The following TNXB variants were observed in gnomAD, a reference collection of about 807,000 sequenced individuals.
TNXB encodes the protein tenascin XB, also known as tenascin-X.
TNXB carries 183 observed loss-of-function variants against 340.5 expected under a neutral mutation model. The observed-to-expected ratio is 0.54, with a 90% confidence interval of 0.48 to 0.61. The LOEUF (loss-of-function observed/expected upper bound fraction) is 0.61. Ranked by LOEUF, TNXB falls within the 20% of genes least tolerant of loss-of-function variation. The pLI is 0.00. For synonymous variants in TNXB, 2,121 were observed against 2,314.5 expected, an observed-to-expected ratio of 0.92 and a Z score of 2.40; for missense variants, 4,613 against 5,446.4, an observed-to-expected ratio of 0.85 and a Z score of 4.82.
intron 24 of TNXB, among the ~76,000 whole-genome samples, chr6:32,054,944 GA>G (rs1462565813): frequency 6.6e-6 from 1 of 152,174 alleles, no homozygotes; most frequent in Non-Finnish European, 1.5e-5. Flanking sequence ...ATCAAGACAA[GA>G]ACAAGGCCAG....
Position 32,048,554 on chromosome 6 carries a change from GCC to G in TNXB, c.9852_9853del (p.Ala3285ProfsTer5). On this transcript the variant is annotated frameshift_variant, in exon 29 of 44. Coordinates refer to ENST00000644971, the MANE Select transcript of TNXB (RefSeq NM_001365276.2). LOFTEE classifies it high-confidence loss of function. ...CAGGAAGGAGTCAAAGGGGCCCTGG[GCC>G]ACCGTCCATGAGAGGCCCACTGAGT... 4 of 1,587,638 alleles carry G rather than the reference GCC, an allele frequency of 2.5e-6. No homozygotes were observed. In the Admixed American group the frequency reaches 6.8e-5, roughly 27 times the overall value.
Position 32,047,911 on chromosome 6 carries a change from C to T in TNXB, c.10147G>A (p.Asp3383Asn), listed in dbSNP as rs754446472. The stretch of plus-strand genomic sequence containing the variant: ...TCCTTGTACTGGACCACGAAGGAGT[C>T]GAATTCGCCCTCAGGGACCGTCCAC... Reference protein sequence around the residue: ...LSWTVPEGEFDSFVVQYKDKD... With the variant: ...LSWTVPEGEFNSFVVQYKDKD... Residue 3383 changes from aspartate (D) to asparagine (N), a missense_variant, in exon 30 of 44, where the codon GAC becomes AAC. Around this residue, in one of 7 missense-constraint regions of TNXB, gnomAD observed 4,327 missense variants for 4,859.4 expected, o/e 0.89. Transcript: ENST00000644971. The surrounding 1 kb of genome is among the most constrained non-coding windows in gnomAD (Gnocchi z 6.2). 3.6e-5 allele frequency: 58 copies of T among 1,612,570 alleles called. No homozygotes were observed. The East Asian group carries it at 5.6e-4, about 15-fold the overall frequency.
In TNXB at chr6:32,058,029, C is replaced by G. The variant is rs1386354191; in HGVS notation, c.7825+29G>C. 1 of 1,575,036 alleles carries G rather than the reference C, an allele frequency of 6.3e-7. No homozygotes were observed. The highest frequency in any genetic ancestry group is 1.9e-5 in the Admixed American group (1 of 53,160). On this transcript the variant is annotated intron_variant, in intron 22 of 43. Transcript: ENST00000644971. This position sits in a 1 kb window ranked among gnomAD's most constrained non-coding sequence, Gnocchi z 5.1. ...AGGGCACATTTTCTAGGGCTGTCTTCCAACCCTGCCCCACCCACACTCACT... is the reference window on the plus strand; with the variant it reads ...AGGGCACATTTTCTAGGGCTGTCTTGCAACCCTGCCCCACCCACACTCACT...
rs749895566 is a variant in TNXB, at chr6:32,097,103, A to C, written c.750T>G (p.Pro250=). The C allele has an allele frequency of 4.3e-6, 7 of 1,612,534 alleles. No individual in the cohort carries two copies. The highest frequency in any genetic ancestry group is 5.9e-6 in the Non-Finnish European group (7 of 1,179,414). ...SGPDCSQRSC[P]RGCSQRGRCE... ...AGCGTCCCCTCTGGCTGCAACCTCG[A>C]GGGCAGGAGCGCTGGCTGCAGTCGG... is the stretch of plus-strand genomic sequence containing the variant. The change falls in exon 3 of 44, where the codon CCT becomes CCG. Residue 250 remains proline, a synonymous_variant. Coordinates refer to ENST00000644971, the MANE Select transcript of TNXB (RefSeq NM_001365276.2). The surrounding 1 kb of genome is among the most constrained non-coding windows in gnomAD (Gnocchi z 5.9).
At chr6:32,053,041 C>G (rs977015085) in intron 25 of TNXB, 48 bp from the exon 26 acceptor site, 2 of 1,575,010 alleles carry the variant, frequency 1.3e-6, no homozygotes, top group East Asian at 2.2e-5. Context: ...TGGGGGATGT[C>G]CTTGGGTCTT....
chr6:32,097,388 G>C lies in TNXB; in HGVS notation c.465C>G (p.Thr155=). ...CACCCCAGCCTGGCTCACAGGAACA[G>C]GTGCAGCGGCTCAGATCAAACACAC... is the stretch of plus-strand genomic sequence containing the variant. ...LHGVFDLSRC[T]CSCEPGWGGP... is the part of the protein sequence containing the mutation. Residue 155 remains threonine, a synonymous_variant, in exon 3 of 44, where the codon ACC becomes ACG. Transcript: ENST00000644971. This position sits in a 1 kb window ranked among gnomAD's most constrained non-coding sequence, Gnocchi z 5.9. 6.2e-7 allele frequency: 1 copy of C among 1,610,888 alleles called. No individual in the cohort carries two copies. The highest frequency in any genetic ancestry group is 8.5e-7 in the Non-Finnish European group (1 of 1,179,622).
At position 32,055,985 on chromosome 6, in the gene TNXB, T is replaced by A; in HGVS notation, c.8333A>T (p.Gln2778Leu). Residue 2778 changes from glutamine to leucine, a missense_variant, in exon 24 of 44, where the codon CAG becomes CTG. This residue lies in a region of TNXB where 4,327 missense variants were observed against 4,859.4 expected (regional missense o/e 0.89). Coordinates refer to ENST00000644971, the MANE Select transcript of TNXB (RefSeq NM_001365276.2). ...CTCCTCGCCCCTGACACGCATCACC[T>A]GGGGCCGCCCGTCCCTGTCCTTGTA... ...VQYKDRDGRP[Q>L]VMRVRGEESE... 6.2e-7 allele frequency: 1 copy of A among 1,613,352 alleles called. No individual in the cohort carries two copies. Among genetic ancestry groups the A allele is most frequent in the African/African-American group, 1.3e-5 (1 of 75,034 alleles).
At chr6:32,091,126 T>G (rs1054788792) in intron 4 of TNXB, among the ~76,000 whole-genome samples, 9 of 152,244 alleles carry the variant, frequency 5.9e-5, no homozygotes, top group Admixed American at 5.9e-4. Flanking sequence ...TTTTCTTTTT[T>G]TGAGAGGGAG....
Position 32,058,767 on chromosome 6 carries a change from A to G in TNXB, c.7493-377T>C, listed in dbSNP as rs1299471336. On this transcript the variant is annotated intron_variant, in intron 21 of 43. Coordinates refer to ENST00000644971, the MANE Select transcript of TNXB (RefSeq NM_001365276.2). This position sits in a 1 kb window ranked among gnomAD's most constrained non-coding sequence, Gnocchi z 5.1. The stretch of plus-strand genomic sequence containing the variant: ...TCACGATGGGGTTATTCATGACAGC[A>G]GATGTGTCAGGAACACAAATGACCC... Among the ~76,000 whole-genome samples the G allele has an allele frequency of 1.3e-5, 2 of 151,948 alleles. No homozygotes were observed. The highest frequency in any genetic ancestry group is 4.9e-5 in the African/African-American group (2 of 41,174).
At position 32,073,147 on chromosome 6, in the gene TNXB, G is replaced by A. The variant is rs1275245289; in HGVS notation, c.4681+500C>T. ...GGGCAGGAAGGAGCCCAGAGCAAGA[G>A]TGAGGCAGCCTCCTGGAGAGATGAA... On this transcript the variant is annotated intron_variant, in intron 12 of 43. Transcript: ENST00000644971. The surrounding 1 kb of genome is among the most constrained non-coding windows in gnomAD (Gnocchi z 4.6). 6.6e-6 allele frequency among the ~76,000 whole-genome samples: 1 copy of A among 152,194 alleles called. No homozygotes were observed. Among genetic ancestry groups the A allele is most frequent in the Non-Finnish European group, 1.5e-5 (1 of 68,036 alleles).
At chr6:32,102,803 C>T (rs1405514410) in intron 1 of TNXB, among the ~76,000 whole-genome samples, 1 of 152,008 alleles carries the variant, frequency 6.6e-6, no homozygotes, top group African/African-American at 2.4e-5. Flanking sequence ...ACCTGTAGTC[C>T]CAGCTACCTG....
chr6:32,053,283 T>G (rs1777407196), intron 25 of TNXB, 105 bp downstream of exon 25: 2 of 1,491,916 alleles, frequency 1.3e-6, no homozygotes, highest in Admixed American at 4.2e-5. Context: ...AAAAGTACCA[T>G]GGCTCAGCCA....
rs763322935 is a variant in TNXB, at chr6:32,058,366, G to A, written c.7517C>T (p.Thr2506Ile). Residue 2506 changes from threonine to isoleucine, a missense_variant, in exon 22 of 44, where the codon ACC (threonine) becomes ATC (isoleucine). Coordinates refer to ENST00000644971, the MANE Select transcript of TNXB (RefSeq NM_001365276.2). The surrounding 1 kb of genome is among the most constrained non-coding windows in gnomAD (Gnocchi z 5.1). ...TGTGCCTGGTTCTGTAGGGCTGGGGGTCTCGTCCACATCCTCTTGTGGGGC... is the reference window on the plus strand; with the variant it reads ...TGTGCCTGGTTCTGTAGGGCTGGGGATCTCGTCCACATCCTCTTGTGGGGC... ...VTAPQEDVDE[T>I]PSPTEPGTEA... 2 of 1,608,468 alleles carry A rather than the reference G, an allele frequency of 1.2e-6. No homozygotes were observed. The highest frequency in any genetic ancestry group is 1.7e-6 in the Non-Finnish European group (2 of 1,177,798).
rs1394345977 is a variant in TNXB at position 32,048,388 on chromosome 6, G to A, written c.10020C>T (p.Gly3340=). The A allele has an allele frequency of 1.3e-6, 2 of 1,524,096 alleles. No homozygotes were observed. The highest frequency in any genetic ancestry group is 2.6e-5 in the South Asian group (2 of 77,434). The allele number at this position is 1,524,096 out of a possible 1,614,324, so 94.4% of individuals were successfully genotyped here. A position where few individuals can be genotyped will look rare whatever the true frequency, so the allele number is the denominator to read the frequency against. Residue 3340 remains glycine, a synonymous_variant, in exon 29 of 44, where the codon GGC becomes GGT. Coordinates refer to ENST00000644971, the MANE Select transcript of TNXB (RefSeq NM_001365276.2). The stretch of plus-strand genomic sequence containing the variant: ...CGGTCCTGGCCTCCACAGGGACTGG[G>A]CCGTGGCGTTTCCCATTCTGGAGTC... ...LFGLQNGKRH[G]PVPVEARTAP...
rs1471329101 is a variant in TNXB, at chr6:32,047,247, C to T, written c.10324+487G>A. Among the ~76,000 whole-genome samples, 1 of 152,202 alleles carries T rather than the reference C, an allele frequency of 6.6e-6. No homozygotes were observed. Among genetic ancestry groups the T allele is most frequent in the Non-Finnish European group, 1.5e-5 (1 of 68,036 alleles). The stretch of plus-strand genomic sequence containing the variant: ...GGGAGTGGGGTGAGGGTCGGTGACC[C>T]ACCACACCCCTTCCTCAGGGAGCTG... On this transcript the variant is annotated intron_variant, in intron 30 of 43. Coordinates refer to ENST00000644971, the MANE Select transcript of TNXB (RefSeq NM_001365276.2). The surrounding 1 kb of genome is among the most constrained non-coding windows in gnomAD (Gnocchi z 6.2).
rs759219344 is a variant in TNXB at position 32,061,558 on chromosome 6, T to C, written c.7331A>G (p.Gln2444Arg). 3 of 1,613,516 alleles carry C rather than the reference T, an allele frequency of 1.9e-6. No individual in the cohort carries two copies. The highest frequency in any genetic ancestry group is 3.3e-5 in the Admixed American group (2 of 60,026). ...GGGCCGCCCGTCCCTGTCCTTGTACTGCACGGTGAAGGAGTCGAAGCGGCC... is the reference window on the plus strand; with the variant it reads ...GGGCCGCCCGTCCCTGTCCTTGTACCGCACGGTGAAGGAGTCGAAGCGGCC... ...PQGRFDSFTV[Q>R]YKDRDGRPQV... is the part of the protein sequence containing the mutation. Residue 2444 changes from glutamine to arginine, a missense_variant, in exon 21 of 44, where the codon CAG (glutamine) becomes CGG (arginine). By Grantham distance (43) the Gln-to-Arg change is conservative (BLOSUM62 1). This residue lies in a region of TNXB where 4,327 missense variants were observed against 4,859.4 expected (regional missense o/e 0.89). Transcript: ENST00000644971. The surrounding 1 kb of genome is among the most constrained non-coding windows in gnomAD (Gnocchi z 4.4).
In TNXB at chr6:32,088,966, C is replaced by T. The variant is rs1779951090; in HGVS notation, c.2598G>A (p.Glu866=). 3 of 1,610,212 alleles carry T rather than the reference C, an allele frequency of 1.9e-6. No homozygotes were observed. The highest frequency in any genetic ancestry group is 2.5e-6 in the Non-Finnish European group (3 of 1,178,422). The change falls in exon 6 of 44, where the codon GAG becomes GAA. Residue 866 remains glutamate, a synonymous_variant. Transcript: ENST00000644971. ...LELGWLRPQA[E]VDRFVVSYVS... ...CGTAGGACACCACAAATCGGTCCAC[C>T]TCAGCCTGGGGACGCAGCCAGCCAA...
rs1282488640 is a variant in TNXB at position 32,087,406 on chromosome 6, G to A, written c.2780-1288C>T. 2.1e-6 allele frequency: 1 copy of A among 471,466 alleles called. No individual in the cohort carries two copies. The highest frequency in any genetic ancestry group is 4.2e-6 in the Non-Finnish European group (1 of 236,686). 29.2% of individuals were successfully genotyped at this position (471,466 alleles called of 1,614,324 possible). A position where few individuals can be genotyped will look rare whatever the true frequency, so the allele number is the denominator to read the frequency against. The stretch of plus-strand genomic sequence containing the variant: ...CTCACCGCCGGGGCCCTCTGCAGGC[G>A]GCTGAGGCCGCCAGCGCAGCACCAC... On this transcript the variant is annotated intron_variant, in intron 6 of 43. Coordinates refer to ENST00000644971, the MANE Select transcript of TNXB (RefSeq NM_001365276.2). This position sits in a 1 kb window ranked among gnomAD's most constrained non-coding sequence, Gnocchi z 9.0.
Position 32,079,192 on chromosome 6 carries a change from A to G in TNXB, c.4216T>C (p.Tyr1406His). 1 of 1,613,800 alleles carries G rather than the reference A, an allele frequency of 6.2e-7. No individual in the cohort carries two copies. The highest frequency in any genetic ancestry group is 8.5e-7 in the Non-Finnish European group (1 of 1,179,858). ...CGGGGCCGCCCATCCCTGTCCTTGT[A>G]CTGCACGGTGAAAGAGTCGAAGCTG... is the stretch of plus-strand genomic sequence containing the variant. ...QGSFDSFTVQ[Y>H]KDRDGRPRAV... The change falls in exon 11 of 44, where the codon TAC becomes CAC. Residue 1406 changes from tyrosine (Y) to histidine (H), a missense_variant. Around this residue, in one of 7 missense-constraint regions of TNXB, gnomAD observed 4,327 missense variants for 4,859.4 expected, o/e 0.89. Coordinates refer to ENST00000644971, the MANE Select transcript of TNXB (RefSeq NM_001365276.2). This position sits in a 1 kb window ranked among gnomAD's most constrained non-coding sequence, Gnocchi z 7.1.
Sources: gnomAD v4.1 joint callset for allele counts (sites outside exome capture counted in the v4.1 genomes callset) on GRCh38, gnomAD v4.1.1 for gene constraint, gnomAD v4.1.1 regional missense constraint, Gnocchi (gnomAD v3.1) non-coding constraint, MANE v1.5 for transcripts, NCBI Gene and HGNC (gene_info 2026-07-23, HGNC 2026-07-21) for gene names.